The following GARNL3 variants were observed in gnomAD, a reference collection of about 807,000 sequenced individuals.
The protein encoded by GARNL3 is GTPase-activating Rap/Ran-GAP domain-like protein 3.
A neutral mutation model predicts 125.0 loss-of-function variants in GARNL3; 63 were observed. That is an observed-to-expected ratio of 0.50 (90% CI 0.41 to 0.62). The LOEUF is 0.62. Ranked by LOEUF, GARNL3 falls within the 20% of genes least tolerant of loss-of-function variation. GARNL3 has a pLI of 0.00. For missense variants in GARNL3, 994 were observed against 1,244.0 expected (o/e 0.80, Z 3.02); for synonymous variants, 439 against 457.5 (o/e 0.96, Z 0.52).
At chr9:127,377,330 AT>A (rs55961347) in intron 22 of GARNL3, among the ~76,000 whole-genome samples, 42,438 of 152,140 alleles carry the variant, frequency 0.28, 6,930 homozygotes, top group Middle Eastern at 0.43. Flanking sequence ...CGTTAGGACA[AT>A]TGGACAAACT....
chr9:127,390,779 G>A lies in GARNL3; in HGVS notation c.2870+12G>A. On this transcript the variant is annotated intron_variant, in intron 27 of 27. Transcript: ENST00000373387. ...TCTAGCAGTGACAGGTAAAGAGAGG[G>A]AGAGGCCCCTGCTTGGGGTGGTGGA... The A allele has an allele frequency of 6.2e-7, 1 of 1,611,734 alleles. No homozygotes were observed. Among genetic ancestry groups the A allele is most frequent in the Middle Eastern group, 1.7e-4 (1 of 5,876 alleles).
chr9:127,287,876 C>A (rs556882420), intron 1 of GARNL3, among the ~76,000 whole-genome samples: 3 of 152,256 alleles, frequency 2.0e-5, no homozygotes, highest in South Asian at 4.1e-4. Context: ...TTTGACATTT[C>A]TTGCATGATT....
chr9:127,325,163 A>G, intron 7 of GARNL3, 68 bp downstream of exon 7: 1 of 1,475,696 alleles, frequency 6.8e-7, no homozygotes, highest in Admixed American at 1.7e-5. Flanking sequence ...TTCTCCTTTC[A>G]CTGTGAACCC....
chr9:127,348,902 C>T (rs376292856), intron 16 of GARNL3, 22 bp from the exon 17 acceptor site: 245 of 1,542,248 alleles, frequency 1.6e-4, no homozygotes, highest in Middle Eastern at 1.1e-3. Flanking sequence ...ACTTATCTTC[C>T]GATGCTTGTA....
At position 127,365,318 on chromosome 9, in the gene GARNL3, A is replaced by C. The variant is rs775708835; in HGVS notation, c.2113A>C (p.Ile705Leu). 6.2e-7 allele frequency: 1 copy of C among 1,613,778 alleles called. No homozygotes were observed. Among genetic ancestry groups the C allele is most frequent in the Non-Finnish European group, 8.5e-7 (1 of 1,179,750 alleles). Residue 705 changes from isoleucine (I) to leucine (L), a missense_variant, in exon 22 of 28, where the codon ATT becomes CTT. Ile to Leu is a conservative substitution (Grantham distance 5). This residue lies in a region of GARNL3 where 728 missense variants were observed against 865.7 expected (regional missense o/e 0.84). Transcript: ENST00000373387. The part of the protein sequence containing the change: ...EANRVNFVAA[I>L]DVYEDGEAGL... Reference sequence around the variant, plus strand: ...ATTGCAGGTTAATTTTGTTGCAGCTATTGATGTGTACGAAGATGGAGAAGC... The same window carrying C: ...ATTGCAGGTTAATTTTGTTGCAGCTCTTGATGTGTACGAAGATGGAGAAGC...
chr9:127,342,392 G>A (rs1829908476), intron 14 of GARNL3, 58 bp downstream of exon 14: 5 of 1,135,376 alleles, frequency 4.4e-6, no homozygotes. Context: ...GAGAACACAA[G>A]TCCTCAACTC....
chr9:127,255,573 T>C (rs994428271), intron 2 of GARNL3, among the ~76,000 whole-genome samples: 1 of 152,178 alleles, frequency 6.6e-6, no homozygotes, highest in African/African-American at 2.4e-5. Flanking sequence ...GGGTTTTAAG[T>C]ATATCTGTAA....
At chr9:127,373,676 C>T (rs1588956813) in intron 22 of GARNL3, among the ~76,000 whole-genome samples, 1 of 152,174 alleles carries the variant, frequency 6.6e-6, no homozygotes, top group East Asian at 1.9e-4. Context: ...GTCCATCACC[C>T]CCTTGGTGGA....
At chr9:127,293,500 T>C (rs960779686) in intron 2 of GARNL3, among the ~76,000 whole-genome samples, 3 of 152,232 alleles carry the variant, frequency 2.0e-5, no homozygotes, top group Non-Finnish European at 4.4e-5. Context: ...CTTTCATTGC[T>C]GGCACGTCCG....
chr9:127,353,606 C>T, intron 17 of GARNL3: 1 of 450,108 alleles, frequency 2.2e-6, no homozygotes, highest in Non-Finnish European at 3.9e-6. Context: ...GCTGCTACGC[C>T]CCCTATATAG....
At position 127,291,354 on chromosome 9, in the gene GARNL3, C is replaced by T. The variant is rs1349156586; in HGVS notation, c.219+112C>T. On this transcript the variant is annotated intron_variant, in intron 2 of 27. Coordinates refer to ENST00000373387, the MANE Select transcript of GARNL3 (RefSeq NM_032293.5). The stretch of plus-strand genomic sequence containing the variant: ...GTAAATAGAGCTTTTCAGAGCTTTG[C>T]TTGAAGCAAATGGAAGGGAAATGTC... 4.4e-6 allele frequency: 4 copies of T among 909,422 alleles called. No homozygotes were observed. In the African/African-American group the frequency reaches 5.0e-5, roughly 11 times the overall value. The allele number at this position is 909,422 out of a possible 1,614,324, so 56.3% of individuals were successfully genotyped here.
chr9:127,367,728 C>T (rs10760483), intron 22 of GARNL3, among the ~76,000 whole-genome samples: 53,193 of 151,990 alleles, frequency 0.35, 9,598 homozygotes, highest in Middle Eastern at 0.44. Flanking sequence ...GCTGATGATG[C>T]TTTAAAGATA....
At position 127,342,270 on chromosome 9, in the gene GARNL3, G is replaced by C; in HGVS notation, c.1187G>C (p.Arg396Pro). 6.2e-7 allele frequency: 1 copy of C among 1,614,024 alleles called. No individual in the cohort carries two copies. Among genetic ancestry groups the C allele is most frequent in the Non-Finnish European group, 8.5e-7 (1 of 1,179,926 alleles). Residue 396 changes from arginine to proline, a missense_variant, in exon 14 of 28, where the codon CGT becomes CCT. By Grantham distance (103) the Arg-to-Pro change is moderately radical. Transcript: ENST00000373387. ...GAAACCCCAACATTTGCCCAGAAAC[G>C]TCGGCGTACCCTGGATATGTTGATT... is the stretch of plus-strand genomic sequence containing the variant. ...TLETPTFAQKRRRTLDMLIRS... is the reference protein window; with the variant it reads ...TLETPTFAQKPRRTLDMLIRS...
intron 6 of GARNL3, among the ~76,000 whole-genome samples, 187 bp downstream of exon 6, chr9:127,320,965 T>C (rs982729585): frequency 2.6e-5 from 4 of 152,126 alleles, no homozygotes; most frequent in African/African-American, 7.2e-5. Flanking sequence ...AGGGCCTGGG[T>C]ATCTGAGTTT....
At chr9:127,287,172 G>T (rs553148396) in intron 1 of GARNL3, among the ~76,000 whole-genome samples, 1 of 152,184 alleles carries the variant, frequency 6.6e-6, no homozygotes, top group Non-Finnish European at 1.5e-5. Context: ...GTCTAGCTTT[G>T]TGTCCAGCTA....
intron 2 of GARNL3, among the ~76,000 whole-genome samples, chr9:127,255,250 T>C (rs1344655487): frequency 2.0e-5 from 3 of 152,168 alleles, no homozygotes; most frequent in South Asian, 2.1e-4. Context: ...AAAATGTCCA[T>C]CAATAGGAGA....
intron 17 of GARNL3, chr9:127,353,537 T>C (rs1217607762): frequency 1.7e-5 from 4 of 240,660 alleles, no homozygotes; most frequent in African/African-American, 4.7e-5. Flanking sequence ...CTAGTAAAAA[T>C]TGGTATTGAG....
intron 1 of GARNL3, among the ~76,000 whole-genome samples, chr9:127,269,909 C>A (rs1189296750): frequency 1.3e-5 from 2 of 151,316 alleles, no homozygotes; most frequent in Non-Finnish European, 2.9e-5. Flanking sequence ...GTTGACAGTG[C>A]CTTTAATGCA....
intron 1 of GARNL3, among the ~76,000 whole-genome samples, chr9:127,288,846 A>G (rs2064327140): frequency 1.3e-5 from 2 of 152,218 alleles, no homozygotes; most frequent in South Asian, 2.1e-4. Flanking sequence ...TTCGACTCCT[A>G]GATGAGACTA....
Sources: allele counts gnomAD v4.1 joint callset (sites outside exome capture counted in the v4.1 genomes callset), GRCh38; gene constraint gnomAD v4.1.1; regional missense constraint gnomAD v4.1.1; transcripts MANE v1.5; gene names NCBI Gene and HGNC (gene_info 2026-07-23, HGNC 2026-07-21).